Variants in CCDC63 observed in about 807,000 individuals in gnomAD.
CCDC63 encodes coiled-coil domain-containing protein 63.
CCDC63 carries 54 observed loss-of-function variants against 63.6 expected under a neutral mutation model. The observed-to-expected ratio is 0.85, with a 90% CI of 0.68 to 1.07. The LOEUF (loss-of-function observed/expected upper bound fraction) is 1.07, where lower values mean the gene tolerates loss of function less well. CCDC63 is among the 50% of genes least tolerant of loss of function. The pLI, the probability that CCDC63 is intolerant of heterozygous loss-of-function variation, is 0.00. For missense variants in CCDC63, 637 were observed against 689.6 expected, an observed-to-expected ratio of 0.92 and a Z score of 0.86; for synonymous variants, 253 against 266.1, an observed-to-expected ratio of 0.95 and a Z score of 0.48.
At chr12:110,877,243 G>T in intron 5 of CCDC63, among the ~76,000 whole-genome samples, 1 of 144,716 alleles carries the variant, frequency 6.9e-6, no homozygotes, top group South Asian at 2.1e-4. Flanking sequence ...GACGGAGTCT[G>T]GCTCTGTCCC....
chr12:110,903,080 T>C (rs1299675156), intron 10 of CCDC63, among the ~76,000 whole-genome samples: 2 of 152,170 alleles, frequency 1.3e-5, no homozygotes, highest in African/African-American at 4.8e-5. Flanking sequence ...TTTCACCATG[T>C]TGGCCAGGCT....
intron 1 of CCDC63, among the ~76,000 whole-genome samples, chr12:110,849,090 C>G (rs2070674072): frequency 6.6e-6 from 1 of 152,222 alleles, no homozygotes; most frequent in Non-Finnish European, 1.5e-5. Context: ...CAGTTGGCCC[C>G]CAAACCCTCA....
At chr12:110,854,167 A>G (rs2070739316) in intron 3 of CCDC63, among the ~76,000 whole-genome samples, 1 of 152,060 alleles carries the variant, frequency 6.6e-6, no homozygotes, top group Non-Finnish European at 1.5e-5. Context: ...GGAAACCCTA[A>G]CAACGTTTCC....
intron 10 of CCDC63, among the ~76,000 whole-genome samples, chr12:110,901,543 GT>G (rs376566438): frequency 2.0e-5 from 3 of 151,588 alleles, no homozygotes; most frequent in African/African-American, 7.3e-5. Context: ...CATTCTTTCT[GT>G]TTTTTTGTAT....
chr12:110,880,199 A>C, intron 6 of CCDC63, 112 bp downstream of exon 6: 1 of 882,680 alleles, frequency 1.1e-6, no homozygotes, highest in Non-Finnish European at 1.8e-6. Flanking sequence ...GGGGAATCTT[A>C]AATCATAGTA....
chr12:110,856,260 AT>A (rs2070769119), intron 3 of CCDC63, among the ~76,000 whole-genome samples: 1 of 151,458 alleles, frequency 6.6e-6, no homozygotes. Flanking sequence ...TAATTTTTGT[AT>A]TTTTAGTAGA....
intron 1 of CCDC63, among the ~76,000 whole-genome samples, chr12:110,851,931 T>C (rs1346779695): frequency 6.6e-6 from 1 of 152,136 alleles, no homozygotes; most frequent in Admixed American, 6.5e-5. Context: ...GAATTTGAAA[T>C]GAGATCTGAT....
At chr12:110,867,634 T>C (rs1593656620) in intron 4 of CCDC63, among the ~76,000 whole-genome samples, 3 of 115,472 alleles carry the variant, frequency 2.6e-5, no homozygotes, top group Admixed American at 8.1e-5. Context: ...GGCTCCTCAC[T>C]TCCCAGTAGG....
At chr12:110,892,602 G>A (rs2071370298) in intron 8 of CCDC63, among the ~76,000 whole-genome samples, 1 of 152,066 alleles carries the variant, frequency 6.6e-6, no homozygotes, top group Non-Finnish European at 1.5e-5. Flanking sequence ...CGGATCGCCT[G>A]AGGTCAGGAG....
At position 110,897,519 on chromosome 12, in the gene CCDC63, G is replaced by A. The variant is rs556979600; in HGVS notation, c.1150-1414G>A. The stretch of plus-strand genomic sequence containing the variant: ...AGGCTGAGGCAGGAGGATCACCTGA[G>A]TCCAGGAGTTCAAGGCTGCAGTGAG... On this transcript the variant is annotated intron_variant, in intron 9 of 11. Coordinates refer to ENST00000308208, the MANE Select transcript of CCDC63 (RefSeq NM_152591.3). Among the ~76,000 whole-genome samples, 3 of 152,166 alleles carry A rather than the reference G, an allele frequency of 2.0e-5. No homozygotes were observed. In the South Asian group the frequency reaches 6.2e-4, roughly 32 times the overall value.
chr12:110,903,486 C>T (rs2071518063), intron 10 of CCDC63, among the ~76,000 whole-genome samples: 1 of 152,214 alleles, frequency 6.6e-6, no homozygotes, highest in South Asian at 2.1e-4. Flanking sequence ...TTCTATGCCT[C>T]CATACATACT....
Position 110,877,213 on chromosome 12 carries a change from A to ATT in CCDC63, c.490-2677_490-2676dup, listed in dbSNP as rs35327073. 3.9e-3 allele frequency among the ~76,000 whole-genome samples: 539 copies of ATT among 138,658 alleles called. 8 individuals carry two copies. Among genetic ancestry groups the ATT allele is most frequent in the African/African-American group, 0.011 (406 of 37,436 alleles). The allele number at this position is 138,658 out of a possible 152,430, so 91.0% of individuals were successfully genotyped here. A position where few individuals can be genotyped will look rare whatever the true frequency, so the allele number is the denominator to read the frequency against. ...TAGCAGGAATCCCAAATACAGTACA[A>ATT]TTTTTTTTTTTTTTTTTGAGACGGA... On this transcript the variant is annotated intron_variant, in intron 5 of 11. Transcript: ENST00000308208.
intron 8 of CCDC63, among the ~76,000 whole-genome samples, chr12:110,890,503 G>A (rs1255067598): frequency 6.6e-6 from 1 of 152,110 alleles, no homozygotes; most frequent in Non-Finnish European, 1.5e-5. Context: ...GTGGGAAAGT[G>A]TAGGCAATTC....
chr12:110,898,939 C>G lies in CCDC63; in HGVS notation c.1156C>G (p.Leu386Val). ...HSVLRQLEDK[L>V]RKTTEEADMY... ...AATTGGGGTCTGCCACCAGGATAAA[C>G]TGAGGAAGACCACGGAGGAGGCAGA... Residue 386 changes from leucine to valine, a missense_variant, in exon 10 of 12, where the codon CTG becomes GTG. By Grantham distance (32) the Leu-to-Val change is conservative (BLOSUM62 1). Coordinates refer to ENST00000308208, the MANE Select transcript of CCDC63 (RefSeq NM_152591.3). 6.3e-7 allele frequency: 1 copy of G among 1,599,606 alleles called. No homozygotes were observed. The highest frequency in any genetic ancestry group is 8.5e-7 in the Non-Finnish European group (1 of 1,171,696).
At chr12:110,885,622 C>T (rs1485435652) in intron 8 of CCDC63, among the ~76,000 whole-genome samples, 1 of 152,158 alleles carries the variant, frequency 6.6e-6, no homozygotes, top group African/African-American at 2.4e-5. Context: ...CCGTGCTATT[C>T]CCTCTCCCTC....
Position 110,888,718 on chromosome 12 carries a change from C to T in CCDC63, c.1075-4358C>T, listed in dbSNP as rs186143423. 9.9e-5 allele frequency among the ~76,000 whole-genome samples: 15 copies of T among 152,234 alleles called. No individual in the cohort carries two copies. The East Asian group carries it at 2.9e-3, about 29-fold the overall frequency. On this transcript the variant is annotated intron_variant, in intron 8 of 11. Transcript: ENST00000308208. ...TTTTAAACCACCCACTATCCCATTG[C>T]CTGAGACAATCACTGGTGACATTCT... is the stretch of plus-strand genomic sequence containing the variant.
At chr12:110,865,031 G>T (rs2070925301) in intron 4 of CCDC63, among the ~76,000 whole-genome samples, 1 of 152,146 alleles carries the variant, frequency 6.6e-6, no homozygotes, top group Admixed American at 6.5e-5. Context: ...GGAATGAGAA[G>T]ACTTTTTCTA....
At chr12:110,894,298 A>T (rs1329066522) in intron 9 of CCDC63, among the ~76,000 whole-genome samples, 2 of 152,178 alleles carry the variant, frequency 1.3e-5, no homozygotes, top group African/African-American at 4.8e-5. Flanking sequence ...TTTAAACTTC[A>T]TTGGCCACCC....
chr12:110,875,767 C>T (rs2071121984), intron 5 of CCDC63, among the ~76,000 whole-genome samples: 1 of 152,064 alleles, frequency 6.6e-6, no homozygotes, highest in Admixed American at 6.6e-5. Flanking sequence ...TTCCCTTCAT[C>T]CCTAACGAGA....
Sources: gnomAD v4.1 joint callset for allele counts (sites outside exome capture counted in the v4.1 genomes callset) on GRCh38, gnomAD v4.1.1 for gene constraint, MANE v1.5 for transcripts, NCBI Gene and HGNC (gene_info 2026-07-23, HGNC 2026-07-21) for gene names.